Variants in RTF1 observed in about 807,000 individuals in gnomAD.
The protein encoded by RTF1 is RTF1 homolog, Paf1/RNA polymerase II complex component.
Under a neutral mutation model 95.7 loss-of-function variants are expected in RTF1, and 10 were observed. That is an observed-to-expected ratio of 0.10 (90% confidence interval 0.06 to 0.18). The LOEUF is 0.18. Ranked by LOEUF, RTF1 falls within the 10% of genes least tolerant of loss-of-function variation. The probability of loss-of-function intolerance (pLI) is 1.00; values close to 1 mark genes in which losing one functional copy is unlikely to be tolerated. For synonymous variants in RTF1, 305 were observed against 311.8 expected (o/e 0.98, Z 0.23); for missense variants, 458 against 875.6 (o/e 0.52, Z 6.02).
chr15:41,421,695 C>T (rs573070328), intron 1 of RTF1, among the ~76,000 whole-genome samples: 2 of 145,784 alleles, frequency 1.4e-5, no homozygotes, highest in South Asian at 4.3e-4. Flanking sequence ...TTTAAGATGG[C>T]AAAACTACTG....
intron 6 of RTF1, 80 bp from the exon 7 acceptor site, chr15:41,470,177 T>C: frequency 6.7e-7 from 1 of 1,487,756 alleles, no homozygotes; most frequent in Non-Finnish European, 9.2e-7. Context: ...TGAGTCCTCT[T>C]CCATTTCCAG....
chr15:41,461,413 C>T (rs532601283), intron 4 of RTF1, among the ~76,000 whole-genome samples: 1 of 152,140 alleles, frequency 6.6e-6, no homozygotes, highest in East Asian at 1.9e-4. Flanking sequence ...AAGTCCTGAC[C>T]TTAAATGATC....
At chr15:41,428,760 C>T (rs2140946867) in intron 1 of RTF1, among the ~76,000 whole-genome samples, 1 of 150,144 alleles carries the variant, frequency 6.7e-6, no homozygotes, top group Non-Finnish European at 1.5e-5. Context: ...TATTTTGAGA[C>T]AGAGTCTTGC....
chr15:41,431,517 G>T (rs1372471439), intron 1 of RTF1, among the ~76,000 whole-genome samples: 1 of 151,806 alleles, frequency 6.6e-6, no homozygotes, highest in Non-Finnish European at 1.5e-5. Context: ...GCCCGACTGG[G>T]TTTTTCTTTT....
intron 3 of RTF1, among the ~76,000 whole-genome samples, chr15:41,455,492 C>A (rs1046227905): frequency 6.6e-6 from 1 of 151,996 alleles, no homozygotes; most frequent in African/African-American, 2.4e-5. Flanking sequence ...TTTAAGCCAT[C>A]AGGATGCAAA....
rs1472902487 is a variant in RTF1, at chr15:41,445,648, T to A, written c.309+7217T>A. On this transcript the variant is annotated intron_variant, in intron 2 of 17. Coordinates refer to ENST00000389629, the MANE Select transcript of RTF1 (RefSeq NM_015138.5). ...TAAGAAAGCTAAGCTATTCTTCATG[T>A]CTTCAGGCTGACATTAAATTGCATT... Among the ~76,000 whole-genome samples the A allele has an allele frequency of 2.0e-5, 3 of 151,970 alleles. No individual in the cohort carries two copies. In the East Asian group the frequency reaches 5.8e-4, roughly 29 times the overall value.
intron 1 of RTF1, among the ~76,000 whole-genome samples, chr15:41,427,144 A>C (rs761876803): frequency 6.1e-5 from 7 of 115,578 alleles, no homozygotes; most frequent in African/African-American, 2.5e-4. Flanking sequence ...CTGGTCTACA[A>C]ATTTTTTTTT....
chr15:41,466,008 C>T (rs2050878470), intron 5 of RTF1, 133 bp from the exon 6 acceptor site: 1 of 535,902 alleles, frequency 1.9e-6, no homozygotes, highest in Non-Finnish European at 3.3e-6. Context: ...ATGCTCTCTC[C>T]CCTTACATAA....
intron 4 of RTF1, among the ~76,000 whole-genome samples, chr15:41,461,429 G>A (rs910334656): frequency 3.4e-4 from 52 of 151,992 alleles, no homozygotes; most frequent in African/African-American, 1.1e-3. Flanking sequence ...TGATCCTCCT[G>A]CCTTGGCCTC....
At chr15:41,428,937 A>C (rs1403965790) in intron 1 of RTF1, among the ~76,000 whole-genome samples, 3 of 151,996 alleles carry the variant, frequency 2.0e-5, no homozygotes, top group African/African-American at 7.2e-5. Context: ...GGGTTTCGTC[A>C]TGTTGGCCAG....
chr15:41,462,532 A>G (rs1360979068), intron 4 of RTF1, among the ~76,000 whole-genome samples: 1 of 152,196 alleles, frequency 6.6e-6, no homozygotes, highest in Non-Finnish European at 1.5e-5. Context: ...ACATTATGTA[A>G]ATGTAAACTA....
intron 14 of RTF1, 175 bp from the exon 15 acceptor site, chr15:41,478,373 C>A (rs954170472): frequency 5.1e-6 from 3 of 589,956 alleles, no homozygotes; most frequent in Middle Eastern, 8.5e-4. Context: ...TGCACTTCAG[C>A]CTAGGCGACA....
intron 1 of RTF1, among the ~76,000 whole-genome samples, chr15:41,435,964 C>T (rs995802101): frequency 3.3e-5 from 5 of 152,058 alleles, no homozygotes; most frequent in African/African-American, 1.2e-4. Flanking sequence ...TATCATGTAC[C>T]AGCTGTGTTA....
chr15:41,480,369 G>T, intron 17 of RTF1, 44 bp downstream of exon 17: 2 of 1,346,814 alleles, frequency 1.5e-6, no homozygotes, highest in African/African-American at 1.4e-5. Context: ...GAACCAGATG[G>T]ATCCATGGTT....
chr15:41,448,590 G>T (rs2050774542), intron 2 of RTF1, among the ~76,000 whole-genome samples: 1 of 151,876 alleles, frequency 6.6e-6, no homozygotes, highest in Admixed American at 6.6e-5. Context: ...GTGGGGGCAG[G>T]TGACTACGTT....
At chr15:41,441,335 A>T (rs2050734980) in intron 2 of RTF1, among the ~76,000 whole-genome samples, 2 of 151,944 alleles carry the variant, frequency 1.3e-5, no homozygotes, top group South Asian at 4.1e-4. Context: ...GCTGTGGTCC[A>T]CCCTTGCCAC....
intron 1 of RTF1, among the ~76,000 whole-genome samples, chr15:41,423,531 G>A (rs868545468): frequency 4.6e-5 from 7 of 151,880 alleles, no homozygotes; most frequent in East Asian, 1.9e-4. Context: ...CACCACTCCC[G>A]GCTAATTTTA....
At chr15:41,460,286 C>G (rs886432225) in intron 4 of RTF1, among the ~76,000 whole-genome samples, 2 of 151,872 alleles carry the variant, frequency 1.3e-5, no homozygotes, top group South Asian at 2.1e-4. Context: ...CAACGCCCGG[C>G]TAATTTTTGT....
intron 2 of RTF1, among the ~76,000 whole-genome samples, chr15:41,439,550 C>T (rs1346472094): frequency 6.6e-6 from 1 of 152,120 alleles, no homozygotes; most frequent in East Asian, 1.9e-4. Flanking sequence ...AATTACCTAC[C>T]AACAATGGCA....
Sources: allele counts gnomAD v4.1 joint callset (sites outside exome capture counted in the v4.1 genomes callset), GRCh38; gene constraint gnomAD v4.1.1; transcripts MANE v1.5; gene names NCBI Gene and HGNC (gene_info 2026-07-23, HGNC 2026-07-21).